Variants in ANXA8 observed in about 807,000 individuals in gnomAD.
The protein encoded by ANXA8 is VAC-beta.
Under a neutral mutation model 26.8 loss-of-function variants are expected in ANXA8, and 9 were observed. That is an observed-to-expected ratio of 0.34 (90% confidence interval 0.20 to 0.59). ANXA8 has a LOEUF of 0.59. ANXA8 is among the 20% of genes least tolerant of loss of function. The pLI, the probability that ANXA8 is intolerant of heterozygous loss-of-function variation, is 0.84. For missense variants in ANXA8, 83 were observed against 238.5 expected (o/e 0.35, Z 4.29); for synonymous variants, 39 against 94.8 (o/e 0.41, Z 3.42).
At chr10:47,587,447 A>G in the ANXA8 span, among the ~76,000 whole-genome samples, 1 of 146,796 alleles carries the variant, frequency 6.8e-6, no homozygotes, top group African/African-American at 2.7e-5. Flanking sequence ...TGGTGCTGAC[A>G]GTAGTCACCC....
the ANXA8 span, chr10:47,987,239 C>T: frequency 4.3e-6 from 2 of 465,254 alleles, no homozygotes; most frequent in South Asian, 3.8e-5. Context: ...AGGTGGCCGA[C>T]TCCTGTTTCA....
the ANXA8 span, among the ~76,000 whole-genome samples, chr10:47,604,754 TTC>T: frequency 6.6e-6 from 1 of 152,306 alleles, no homozygotes; most frequent in Non-Finnish European, 1.5e-5. Flanking sequence ...TTAAAATTAT[TTC>T]TGTCAGATGT....
At chr10:47,991,763 G>A in the ANXA8 span, 4 of 1,609,424 alleles carry the variant, frequency 2.5e-6, no homozygotes, top group South Asian at 4.4e-5. Flanking sequence ...CCTCTGCTGG[G>A]ACTCCACATG....
At chr10:47,733,219 TTCTCTTTCTTTCTC>T in the ANXA8 span, among the ~76,000 whole-genome samples, 251 of 68,060 alleles carry the variant, frequency 3.7e-3, 5 homozygotes, top group Admixed American at 0.019. Flanking sequence ...CTTTCTTTCT[TTCTCTTTCTTTCTC>T]TCTTTCTTTC....
the ANXA8 span, among the ~76,000 whole-genome samples, chr10:47,668,370 C>A: frequency 0.17 from 23,784 of 139,732 alleles, 1,213 homozygotes; most frequent in East Asian, 0.45. Context: ...CAGGCTCAAG[C>A]GATCCTCCTG....
At chr10:47,976,691 G>T in the ANXA8 span, among the ~76,000 whole-genome samples, 1 of 149,002 alleles carries the variant, frequency 6.7e-6, no homozygotes, top group Non-Finnish European at 1.5e-5. Context: ...GTTACTATTT[G>T]ATCTGTCTGA....
chr10:47,918,356 G>A, the ANXA8 span, among the ~76,000 whole-genome samples: 9 of 17,732 alleles, frequency 5.1e-4, no homozygotes, highest in East Asian at 1.6e-3. Flanking sequence ...GGGGAGGGAG[G>A]GAGAGAGAGA....
At chr10:47,511,076 T>A in the ANXA8 span, among the ~76,000 whole-genome samples, 343 of 124,856 alleles carry the variant, frequency 2.7e-3, 5 homozygotes, top group African/African-American at 0.011. Flanking sequence ...CCTGAGTAGC[T>A]GGGACTACAG....
At chr10:47,501,031 C>A in the ANXA8 span, among the ~76,000 whole-genome samples, 11 of 143,650 alleles carry the variant, frequency 7.7e-5, no homozygotes, top group African/African-American at 2.9e-4. Flanking sequence ...GTAGCTGGGA[C>A]TACAGGTGCC....
At chr10:47,705,040 AG>A in the ANXA8 span, among the ~76,000 whole-genome samples, 20 of 152,068 alleles carry the variant, frequency 1.3e-4, no homozygotes, top group Non-Finnish European at 2.5e-4. Flanking sequence ...CCAAGGTAGG[AG>A]GATCTCTTGA....
At chr10:47,501,018 C>T in the ANXA8 span, among the ~76,000 whole-genome samples, 1,644 of 142,430 alleles carry the variant, frequency 0.012, 8 homozygotes, top group African/African-American at 0.04. Context: ...CTCAGCCTCC[C>T]GAGTAGCTGG....
At chr10:47,594,699 C>T in the ANXA8 span, among the ~76,000 whole-genome samples, 1 of 148,094 alleles carries the variant, frequency 6.8e-6, no homozygotes, top group Non-Finnish European at 1.5e-5. Context: ...TCAAATTAAC[C>T]CAGTCATGCA....
chr10:47,737,587 G>T, the ANXA8 span, among the ~76,000 whole-genome samples: 4 of 151,970 alleles, frequency 2.6e-5, no homozygotes, highest in East Asian at 5.8e-4. Flanking sequence ...GATAGGAAAA[G>T]TACCCCCATA....
At chr10:47,595,021 G>C in the ANXA8 span, among the ~76,000 whole-genome samples, 4 of 149,020 alleles carry the variant, frequency 2.7e-5, no homozygotes, top group Non-Finnish European at 4.4e-5. Context: ...CTAGAGAAAA[G>C]AGCAACACTA....
the ANXA8 span, chr10:47,507,583 A>T: frequency 6.5e-7 from 1 of 1,530,432 alleles, no homozygotes; most frequent in Non-Finnish European, 8.8e-7. Context: ...CCAAGGTCAC[A>T]CTGTGGAAGG....
chr10:47,700,204 A>G, the ANXA8 span, among the ~76,000 whole-genome samples: 5 of 152,038 alleles, frequency 3.3e-5, no homozygotes, highest in Admixed American at 3.3e-4. Context: ...AAAGACTGAC[A>G]AAGGAAAACT....
At chr10:47,693,498 G>A in the ANXA8 span, among the ~76,000 whole-genome samples, 3 of 151,402 alleles carry the variant, frequency 2.0e-5, no homozygotes, top group Non-Finnish European at 4.4e-5. Flanking sequence ...CACTGTGTTA[G>A]CCAGGATGGT....
chr10:47,486,478 T>C (rs1840050116), upstream of ANXA8, among the ~76,000 whole-genome samples: 2 of 138,930 alleles, frequency 1.4e-5, no homozygotes, highest in African/African-American at 5.3e-5. Context: ...TGAAAGATCT[T>C]ACTTAGCATG....
the ANXA8 span, among the ~76,000 whole-genome samples, chr10:47,584,784 T>C: frequency 8.2e-6 from 1 of 121,262 alleles, no homozygotes; most frequent in Admixed American, 8.5e-5. Context: ...TAGGAGATAT[T>C]GTGAATAGAA....
Sources: allele counts gnomAD v4.1 joint callset (sites outside exome capture counted in the v4.1 genomes callset), GRCh38; gene constraint gnomAD v4.1.1; transcripts MANE v1.5; gene names NCBI Gene and HGNC (gene_info 2026-07-23, HGNC 2026-07-21).